PLEKHG3: variants seen among roughly 807,000 people sequenced by gnomAD.
PLEKHG3 encodes the protein pleckstrin homology and RhoGEF domain containing G3.
In PLEKHG3, 62 loss-of-function variants were observed where a neutral mutation model predicts 94.9. That is an observed-to-expected ratio of 0.65 (90% CI 0.53 to 0.81). The LOEUF is 0.81. PLEKHG3 is among the 30% of genes least tolerant of loss of function. The pLI, the probability that PLEKHG3 is intolerant of heterozygous loss-of-function variation, is 0.00. For missense variants in PLEKHG3, 1,461 were observed against 1,619.3 expected (o/e 0.90, Z 1.68); for synonymous variants, 614 against 654.0 (o/e 0.94, Z 0.93).
rs2081178973 is a variant in PLEKHG3 at position 64,717,101 on chromosome 14, G to A, written c.-39-10492G>A. Among the ~76,000 whole-genome samples, 1 of 148,572 alleles carries A rather than the reference G, an allele frequency of 6.7e-6. No homozygotes were observed. Among genetic ancestry groups the A allele is most frequent in the Non-Finnish European group, 1.5e-5 (1 of 67,468 alleles). ...GCTGGCTGAAGGGCTGGCCGCCTTTGGGAATTTACACGTGTGTGTGTGTGT... is the reference window on the plus strand; with the variant it reads ...GCTGGCTGAAGGGCTGGCCGCCTTTAGGAATTTACACGTGTGTGTGTGTGT... On this transcript the variant is annotated intron_variant, in intron 1 of 16. Coordinates refer to ENST00000247226, the MANE Select transcript of PLEKHG3 (RefSeq NM_001308147.2). This position sits in a 1 kb window ranked among gnomAD's most constrained non-coding sequence, Gnocchi z 4.7.
rs767012087 is a variant in PLEKHG3, at chr14:64,732,460, T to C, written c.1246T>C (p.Tyr416His). 3.1e-6 allele frequency: 5 copies of C among 1,613,026 alleles called. No individual in the cohort carries two copies. Among genetic ancestry groups the C allele is most frequent in the Non-Finnish European group, 2.5e-6 (3 of 1,178,968 alleles). The part of the protein sequence containing the change: ...KEAILEMDSY[Y>H]PNRYRCSPER... Reference sequence around the variant, plus strand: ...AGCCATCTTGGAAATGGATTCCTATTGTAAGTGTACCCTTTTCTGCCTGTT... The same window carrying C: ...AGCCATCTTGGAAATGGATTCCTATCGTAAGTGTACCCTTTTCTGCCTGTT... Residue 416 changes from tyrosine to histidine, a missense_variant and splice_region_variant, in exon 11 of 17, where the codon TAT becomes CAT. Coordinates refer to ENST00000247226, the MANE Select transcript of PLEKHG3 (RefSeq NM_001308147.2). This position sits in a 1 kb window ranked among gnomAD's most constrained non-coding sequence, Gnocchi z 4.9.
intron 1 of PLEKHG3, among the ~76,000 whole-genome samples, chr14:64,707,686 T>A (rs1035327316): frequency 1.7e-4 from 26 of 152,256 alleles, no homozygotes; most frequent in Non-Finnish European, 1.2e-4. Context: ...TTTGAGGTGA[T>A]GCCTGAAGGC....
rs1203516746 is a variant in PLEKHG3, at chr14:64,732,796, G to A, written c.1247-7G>A. Reference sequence around the variant, plus strand: ...CAAAAGCTTGATCGTCTCTCTCCTGGGTGCAGATCCCAATCGGTACCGCTG... The same window carrying A: ...CAAAAGCTTGATCGTCTCTCTCCTGAGTGCAGATCCCAATCGGTACCGCTG... On this transcript the variant is annotated splice_region_variant and splice_polypyrimidine_tract_variant and intron_variant, in intron 11 of 16. Coordinates refer to ENST00000247226, the MANE Select transcript of PLEKHG3 (RefSeq NM_001308147.2). The surrounding 1 kb of genome is among the most constrained non-coding windows in gnomAD (Gnocchi z 4.9). 6.3e-7 allele frequency: 1 copy of A among 1,595,518 alleles called. No homozygotes were observed. The highest frequency in any genetic ancestry group is 1.8e-5 in the Admixed American group (1 of 57,130).
At chr14:64,735,169 C>G (rs903292861) in intron 12 of PLEKHG3, among the ~76,000 whole-genome samples, 7 of 152,126 alleles carry the variant, frequency 4.6e-5, no homozygotes, top group African/African-American at 1.7e-4. Context: ...CTTGAGGGGC[C>G]CCAGAGGCTG....
chr14:64,714,523 C>T (rs1392988234), intron 1 of PLEKHG3, among the ~76,000 whole-genome samples: 2 of 152,134 alleles, frequency 1.3e-5, no homozygotes, highest in African/African-American at 4.8e-5. Flanking sequence ...TTTTTGTGGC[C>T]GTCTTGCTTA....
intron 1 of PLEKHG3, among the ~76,000 whole-genome samples, chr14:64,705,835 G>C (rs1329474841): frequency 6.6e-6 from 1 of 152,186 alleles, no homozygotes; most frequent in East Asian, 1.9e-4. Context: ...GGAAACTAGG[G>C]AGTGAGAACC....
intron 14 of PLEKHG3, chr14:64,737,718 A>G (rs902577496): frequency 2.6e-6 from 1 of 383,372 alleles, no homozygotes; most frequent in African/African-American, 2.1e-5. Flanking sequence ...GAGAATGCCC[A>G]CCCCTCCCTG....
rs748306246 is a variant in PLEKHG3 at position 64,738,838 on chromosome 14, A to G, written c.1501A>G (p.Ile501Val). The change falls in exon 15 of 17, where the codon ATT becomes GTT. Residue 501 changes from isoleucine (I) to valine (V), a missense_variant. Around this residue, in one of 3 missense-constraint regions of PLEKHG3, gnomAD observed 1,201 missense variants for 1,295.5 expected, o/e 0.93. Transcript: ENST00000247226. This position sits in a 1 kb window ranked among gnomAD's most constrained non-coding sequence, Gnocchi z 4.8. ...STEKRMSFESISSLPEVEPDP... is the reference protein window; with the variant it reads ...STEKRMSFESVSSLPEVEPDP... The stretch of plus-strand genomic sequence containing the variant: ...TGAGAAGCGCATGAGCTTCGAGTCC[A>G]TTTCTTCCCTGCCAGAGGTGAGCGA... 8 of 1,585,056 alleles carry G rather than the reference A, an allele frequency of 5.0e-6. No individual in the cohort carries two copies. The Admixed American group carries it at 5.3e-5, about 10-fold the overall frequency.
Position 64,741,623 on chromosome 14 carries a change from CAAG to C in PLEKHG3, c.2113_2115del (p.Lys705del), listed in dbSNP as rs752482529. ...CAGTGGAGCCTGACCGGTCTTCCTG[CAAG>C]AAGAAGGAATCAGCACTCTCCACCC... On this transcript the variant is annotated inframe_deletion, in exon 16 of 17. Transcript: ENST00000247226. The C allele has an allele frequency of 8.7e-6, 14 of 1,612,962 alleles. No homozygotes were observed. The highest frequency in any genetic ancestry group is 2.2e-5 in the East Asian group (1 of 44,888).
chr14:64,716,511 AC>A lies in PLEKHG3; in HGVS notation c.-39-11081del, dbSNP rs1190771746. On this transcript the variant is annotated intron_variant, in intron 1 of 16. Transcript: ENST00000247226. This position sits in a 1 kb window ranked among gnomAD's most constrained non-coding sequence, Gnocchi z 5.0. The stretch of plus-strand genomic sequence containing the variant: ...ACACACACACAACACACACACACAC[AC>A]ACACACACACACACACACACACACA... Among the ~76,000 whole-genome samples the A allele has an allele frequency of 8.2e-4, 108 of 131,948 alleles. No homozygotes were observed. Among genetic ancestry groups the A allele is most frequent in the Middle Eastern group, 4.0e-3 (1 of 248 alleles). 86.6% of individuals were successfully genotyped at this position (131,948 alleles called of 152,430 possible). A position where few individuals can be genotyped will look rare whatever the true frequency, so the allele number is the denominator to read the frequency against.
rs991803620 is a variant in PLEKHG3, at chr14:64,723,413, G to A, written c.-39-4180G>A. On this transcript the variant is annotated intron_variant, in intron 1 of 16. Transcript: ENST00000247226. The surrounding 1 kb of genome is among the most constrained non-coding windows in gnomAD (Gnocchi z 4.5). ...CCACTGCACTCCAGCCTGGGTGACA[G>A]AGGGAGACCCTGCCTCAAAAAAAGA... Among the ~76,000 whole-genome samples the A allele has an allele frequency of 2.6e-5, 4 of 152,164 alleles. No homozygotes were observed. Among genetic ancestry groups the A allele is most frequent in the Non-Finnish European group, 5.9e-5 (4 of 68,018 alleles).
At chr14:64,712,520 A>T (rs528851911) in intron 1 of PLEKHG3, among the ~76,000 whole-genome samples, 1 of 152,228 alleles carries the variant, frequency 6.6e-6, no homozygotes, top group East Asian at 1.9e-4. Context: ...TTTTCAGCAT[A>T]CAAGTCTTAC....
rs1242507840 is a variant in PLEKHG3, at chr14:64,726,997, GTTC to G, written c.-39-589_-39-587del. On this transcript the variant is annotated intron_variant, in intron 1 of 16. Coordinates refer to ENST00000247226, the MANE Select transcript of PLEKHG3 (RefSeq NM_001308147.2). The surrounding 1 kb of genome is among the most constrained non-coding windows in gnomAD (Gnocchi z 5.1). ...CCACAGACAGGGGGGCACTTGGGAAGTTCTTCTTCACAACTGCCATTATTATCA... is the reference window on the plus strand; with the variant it reads ...CCACAGACAGGGGGGCACTTGGGAAGTTCTTCACAACTGCCATTATTATCA... 6.6e-6 allele frequency among the ~76,000 whole-genome samples: 1 copy of G among 152,194 alleles called. No individual in the cohort carries two copies. Among genetic ancestry groups the G allele is most frequent in the Non-Finnish European group, 1.5e-5 (1 of 68,024 alleles).
chr14:64,750,135 A>G lies in PLEKHG3; in HGVS notation c.*6432A>G. 6.2e-7 allele frequency: 1 copy of G among 1,613,502 alleles called. No individual in the cohort carries two copies. The highest frequency in any genetic ancestry group is 8.5e-7 in the Non-Finnish European group (1 of 1,179,402). On this transcript the variant is annotated 3_prime_UTR_variant, in exon 17 of 17. Coordinates refer to ENST00000247226, the MANE Select transcript of PLEKHG3 (RefSeq NM_001308147.2). ...GTTAGCTCACTGTTCCTGAGCACAC[A>G]GTACAGGTTGTTCCAGGACCTGCAA...
chr14:64,745,882 A>G lies in PLEKHG3; in HGVS notation c.*2179A>G, dbSNP rs2081826875. On this transcript the variant is annotated 3_prime_UTR_variant, in exon 17 of 17. Coordinates refer to ENST00000247226, the MANE Select transcript of PLEKHG3 (RefSeq NM_001308147.2). The surrounding 1 kb of genome is among the most constrained non-coding windows in gnomAD (Gnocchi z 5.0). ...TTCTCACTGGCTGCCCATTGGAATT[A>G]TCTGGGGAGCCTTCTGGAAACGCAG... is the stretch of plus-strand genomic sequence containing the variant. 1 of 152,166 alleles carries G rather than the reference A, an allele frequency of 6.6e-6. No homozygotes were observed. Among genetic ancestry groups the G allele is most frequent in the African/African-American group, 2.4e-5 (1 of 41,422 alleles). 9.4% of individuals were successfully genotyped at this position (152,166 alleles called of 1,614,324 possible).
At chr14:64,737,585 A>G (rs2081596248) in intron 14 of PLEKHG3, among the ~76,000 whole-genome samples, 1 of 152,198 alleles carries the variant, frequency 6.6e-6, no homozygotes, top group Admixed American at 6.5e-5. Flanking sequence ...TCTGCCTAGA[A>G]CAGCACCCTG....
At position 64,739,867 on chromosome 14, in the gene PLEKHG3, G is replaced by A. The variant is rs1315133317; in HGVS notation, c.1518+1012G>A. Among the ~76,000 whole-genome samples, 1 of 152,136 alleles carries A rather than the reference G, an allele frequency of 6.6e-6. No individual in the cohort carries two copies. Among genetic ancestry groups the A allele is most frequent in the Non-Finnish European group, 1.5e-5 (1 of 68,040 alleles). ...CCCCCCCTCTCATTCCCATCACACTGGGTGTTAGCCTCCACATGGCAATTT... is the reference window on the plus strand; with the variant it reads ...CCCCCCCTCTCATTCCCATCACACTAGGTGTTAGCCTCCACATGGCAATTT... On this transcript the variant is annotated intron_variant, in intron 15 of 16. Coordinates refer to ENST00000247226, the MANE Select transcript of PLEKHG3 (RefSeq NM_001308147.2). This position sits in a 1 kb window ranked among gnomAD's most constrained non-coding sequence, Gnocchi z 4.1.
intron 1 of PLEKHG3, among the ~76,000 whole-genome samples, chr14:64,706,608 A>T (rs977937377): frequency 6.6e-6 from 1 of 152,220 alleles, no homozygotes; most frequent in African/African-American, 2.4e-5. Flanking sequence ...GCTATGTCCC[A>T]CGTGTGTGCC....
In PLEKHG3 at chr14:64,749,310, T is replaced by C. The variant is rs776370834; in HGVS notation, c.*5607T>C. 1.2e-5 allele frequency: 19 copies of C among 1,601,988 alleles called. No individual in the cohort carries two copies. The highest frequency in any genetic ancestry group is 1.5e-5 in the Non-Finnish European group (18 of 1,175,966). On this transcript the variant is annotated 3_prime_UTR_variant, in exon 17 of 17. Coordinates refer to ENST00000247226, the MANE Select transcript of PLEKHG3 (RefSeq NM_001308147.2). This position sits in a 1 kb window ranked among gnomAD's most constrained non-coding sequence, Gnocchi z 4.7. The stretch of plus-strand genomic sequence containing the variant: ...CGCGCCCGCCAGCCCCACCTGCTAC[T>C]TCTTTTTGGGGAAGAAGCTGAATCT...
Sources: allele counts gnomAD v4.1 joint callset (sites outside exome capture counted in the v4.1 genomes callset), GRCh38; gene constraint gnomAD v4.1.1; regional missense constraint gnomAD v4.1.1; non-coding constraint Gnocchi (gnomAD v3.1); transcripts MANE v1.5; gene names NCBI Gene and HGNC (gene_info 2026-07-23, HGNC 2026-07-21).